The following C6 variants were observed in gnomAD, a reference collection of about 807,000 sequenced individuals.
C6 encodes complement component C6.
In C6, 101 loss-of-function variants were observed where a neutral mutation model predicts 112.9. The observed-to-expected ratio is 0.89, with a 90% CI of 0.76 to 1.06. C6 has a LOEUF of 1.06. Ranked by LOEUF, C6 falls within the 50% of genes least tolerant of loss-of-function variation. The probability of loss-of-function intolerance (pLI) is 0.00; values close to 1 mark genes in which losing one functional copy is unlikely to be tolerated. For missense variants in C6, 1,202 were observed against 1,104.6 expected, an observed-to-expected ratio of 1.09 and a Z score of -1.25; for synonymous variants, 431 against 384.1, an observed-to-expected ratio of 1.12 and a Z score of -1.43.
intron 1 of C6, among the ~76,000 whole-genome samples, chr5:41,247,123 T>G (rs568539819): frequency 6.6e-6 from 1 of 152,194 alleles, no homozygotes; most frequent in Non-Finnish European, 1.5e-5. Context: ...AGGCCTAGAT[T>G]ATGCTATGTT....
chr5:41,174,861 G>A (rs1380432744), intron 8 of C6, among the ~76,000 whole-genome samples: 1 of 152,168 alleles, frequency 6.6e-6, no homozygotes, highest in Non-Finnish European at 1.5e-5. Flanking sequence ...GAAGAGGCCA[G>A]AATACATATT....
chr5:41,207,342 A>G (rs1473308239), intron 1 of C6, among the ~76,000 whole-genome samples: 1 of 152,230 alleles, frequency 6.6e-6, no homozygotes. Context: ...TAACCAGCTA[A>G]CATCATAATG....
intron 1 of C6, among the ~76,000 whole-genome samples, chr5:41,234,578 T>C (rs1561195734): frequency 6.6e-6 from 1 of 152,074 alleles, no homozygotes; most frequent in Admixed American, 6.6e-5. Context: ...AGTGGAAATA[T>C]CATTGCTCTG....
chr5:41,201,444 C>T (rs1437060696), intron 3 of C6, 114 bp downstream of exon 3: 8 of 1,037,872 alleles, frequency 7.7e-6, no homozygotes, highest in Admixed American at 6.0e-5. Flanking sequence ...GAAGCTGAGA[C>T]AGTTGATTTT....
At chr5:41,177,507 T>A (rs767576226) in intron 7 of C6, among the ~76,000 whole-genome samples, 3 of 152,140 alleles carry the variant, frequency 2.0e-5, no homozygotes, top group Non-Finnish European at 4.4e-5. Context: ...TTAAAAAAAA[T>A]TTATATACTT....
intron 2 of C6, among the ~76,000 whole-genome samples, chr5:41,202,578 CAG>C (rs1243229633): frequency 6.6e-6 from 1 of 152,078 alleles, no homozygotes; most frequent in Non-Finnish European, 1.5e-5. Flanking sequence ...AAACATTTAA[CAG>C]AGTTAAAGAA....
Position 41,154,993 on chromosome 5 carries a change from G to T in C6, c.2080C>A (p.Gln694Lys). The T allele has an allele frequency of 6.2e-7, 1 of 1,613,698 alleles. No homozygotes were observed. Among genetic ancestry groups the T allele is most frequent in the South Asian group, 1.1e-5 (1 of 91,084 alleles). ...TCACGTTGGCATTCCACATCCCCTT[G>T]TCTCCAGGTCCCGTCTGGTAAGCAT... ...FRCLPDGTWR[Q>K]GDVECQRTEC... The change falls in exon 14 of 18, where the codon CAA (glutamine) becomes AAA (lysine). Residue 694 changes from glutamine (Q) to lysine (K), a missense_variant. By Grantham distance (53) the Gln-to-Lys change is moderately conservative. Transcript: ENST00000337836.
intron 1 of C6, among the ~76,000 whole-genome samples, chr5:41,246,035 C>A (rs1348500585): frequency 1.3e-5 from 2 of 152,156 alleles, no homozygotes; most frequent in South Asian, 2.1e-4. Context: ...CATCTTAATA[C>A]CCTCGAAGGT....
intron 1 of C6, among the ~76,000 whole-genome samples, chr5:41,238,830 A>G (rs1740502702): frequency 6.6e-6 from 1 of 152,206 alleles, no homozygotes; most frequent in Non-Finnish European, 1.5e-5. Flanking sequence ...TTATTAGAAT[A>G]TGGTGAATTA....
chr5:41,149,806 G>A lies in C6; in HGVS notation c.2381+129C>T, dbSNP rs984285033. On this transcript the variant is annotated intron_variant, in intron 16 of 17. Coordinates refer to ENST00000337836, the MANE Select transcript of C6 (RefSeq NM_000065.5). ...GAAGGAGGAATTCAGCAGAGCACAG[G>A]AATATCAGTTATGTGGAAAATTCAT... The A allele has an allele frequency of 2.8e-4, 204 of 739,222 alleles. 1 individual carries two copies. The African/African-American group carries it at 3.2e-3, about 12-fold the overall frequency. 45.8% of individuals were successfully genotyped at this position (739,222 alleles called of 1,614,324 possible).
rs140785708 is a variant in C6 at position 41,198,667 on chromosome 5, A to G, written c.445+1101T>C. Among the ~76,000 whole-genome samples the G allele has an allele frequency of 8.7e-4, 132 of 152,312 alleles. 2 individuals are homozygous for G. In the East Asian group the frequency reaches 0.025, roughly 29 times the overall value. On this transcript the variant is annotated intron_variant, in intron 4 of 17. Transcript: ENST00000337836. Reference sequence around the variant, plus strand: ...ACCTTTCTAAAATTGTTCATTATAAATTGGTGACCAATGGATGCATCTCAA... The same window carrying G: ...ACCTTTCTAAAATTGTTCATTATAAGTTGGTGACCAATGGATGCATCTCAA...
chr5:41,182,613 G>C (rs1224833378), intron 6 of C6, among the ~76,000 whole-genome samples: 2 of 152,128 alleles, frequency 1.3e-5, no homozygotes, highest in Non-Finnish European at 2.9e-5. Context: ...ACAAAAGAAG[G>C]GAAGTGAGAT....
intron 1 of C6, chr5:41,203,567 T>C (rs1312866642): frequency 5.7e-6 from 2 of 349,816 alleles, no homozygotes; most frequent in Admixed American, 3.8e-5. Context: ...TTTAGATTTA[T>C]ACAGTCTTAC....
intron 9 of C6, among the ~76,000 whole-genome samples, chr5:41,164,576 A>G (rs1194242232): frequency 6.6e-6 from 1 of 152,218 alleles, no homozygotes; most frequent in Non-Finnish European, 1.5e-5. Flanking sequence ...CCCTAGAAAC[A>G]ATGAAAGGTT....
rs1746415580 is a variant in C6, at chr5:41,151,745, T to C, written c.2291-1720A>G. Among the ~76,000 whole-genome samples, 4 of 150,640 alleles carry C rather than the reference T, an allele frequency of 2.7e-5. No individual in the cohort carries two copies. In the South Asian group the frequency reaches 8.4e-4, roughly 31 times the overall value. ...AGCACTGGCAGGAGCCTACCAAAAA[T>C]AGAGGGCAACAGCCAGAAATGTCGG... is the stretch of plus-strand genomic sequence containing the variant. On this transcript the variant is annotated intron_variant, in intron 15 of 17. Transcript: ENST00000337836.
At chr5:41,193,458 A>C (rs1750370663) in intron 5 of C6, among the ~76,000 whole-genome samples, 1 of 152,208 alleles carries the variant, frequency 6.6e-6, no homozygotes, top group Admixed American at 6.5e-5. Context: ...AATCTGATTT[A>C]TGTGTCATAC....
chr5:41,186,249 A>G (rs759823051), intron 5 of C6, 41 bp from the exon 6 acceptor site: 9 of 1,608,348 alleles, frequency 5.6e-6, no homozygotes, highest in African/African-American at 1.3e-5. Context: ...CAGATGTAGA[A>G]CAATCTTTAA....
intron 1 of C6, among the ~76,000 whole-genome samples, chr5:41,255,750 T>G (rs1172375545): frequency 6.6e-6 from 1 of 152,218 alleles, no homozygotes; most frequent in African/African-American, 2.4e-5. Flanking sequence ...GTTCCAATTC[T>G]TAATTCCCAG....
chr5:41,227,954 A>AT (rs772040686), intron 1 of C6, among the ~76,000 whole-genome samples: 41 of 152,180 alleles, frequency 2.7e-4, no homozygotes, highest in Middle Eastern at 3.4e-3. Flanking sequence ...TATTTGAGGC[A>AT]TTTTTGGTTC....
Sources: allele counts gnomAD v4.1 joint callset (sites outside exome capture counted in the v4.1 genomes callset), GRCh38; gene constraint gnomAD v4.1.1; transcripts MANE v1.5; gene names NCBI Gene and HGNC (gene_info 2026-07-23, HGNC 2026-07-21).